The following TRDN variants were observed in gnomAD, a reference collection of about 807,000 sequenced individuals.
The protein encoded by TRDN is triadin.
Under a neutral mutation model 149.7 loss-of-function variants are expected in TRDN, and 161 were observed. The ratio of observed to expected loss-of-function variants is 1.08; its 90% CI spans 0.95 to 1.23. The LOEUF (loss-of-function observed/expected upper bound fraction) is 1.23. Among genes scored for constraint, TRDN ranks in the 50% most tolerant of loss-of-function variants. The pLI, the probability that TRDN is intolerant of heterozygous loss-of-function variation, is 0.00. For missense variants in TRDN, 896 were observed against 823.5 expected (o/e 1.09, Z -1.08); for synonymous variants, 294 against 250.5 (o/e 1.17, Z -1.64).
intron 8 of TRDN, among the ~76,000 whole-genome samples, chr6:123,499,740 A>G (rs923550691): frequency 4.0e-5 from 5 of 123,556 alleles, no homozygotes; most frequent in Non-Finnish European, 8.6e-5. Context: ...ATATATATAT[A>G]TATAGTTACA....
At chr6:123,418,051 G>A (rs917698459) in intron 12 of TRDN, among the ~76,000 whole-genome samples, 5 of 151,990 alleles carry the variant, frequency 3.3e-5, no homozygotes, top group African/African-American at 1.2e-4. Flanking sequence ...ATCCAGGACT[G>A]GGTAAGTATA....
At chr6:123,337,704 G>A in intron 21 of TRDN, 35 bp from the exon 22 acceptor site, 4 of 1,316,946 alleles carry the variant, frequency 3.0e-6, no homozygotes, top group East Asian at 2.8e-5. Context: ...AAAGTTACAA[G>A]GAATAAGAGA....
chr6:123,495,500 C>T (rs984748811), intron 9 of TRDN, among the ~76,000 whole-genome samples: 8 of 149,552 alleles, frequency 5.3e-5, no homozygotes, highest in African/African-American at 9.9e-5. Flanking sequence ...GCCTGAGTGA[C>T]GAGAGTGAGG....
At chr6:123,391,176 T>C (rs916945220) in intron 13 of TRDN, among the ~76,000 whole-genome samples, 14 of 152,226 alleles carry the variant, frequency 9.2e-5, no homozygotes, top group African/African-American at 3.4e-4. Flanking sequence ...CCCATCTAAA[T>C]TCTAATTGGC....
chr6:123,547,496 C>T (rs1341038774), intron 3 of TRDN, 124 bp from the exon 4 acceptor site: 2 of 513,846 alleles, frequency 3.9e-6, no homozygotes, highest in Non-Finnish European at 6.4e-6. Flanking sequence ...ATAGTCTTTA[C>T]ATTACTTTGC....
At chr6:123,516,339 T>C (rs570010954) in intron 5 of TRDN, 133 bp from the exon 6 acceptor site, 2 of 1,123,638 alleles carry the variant, frequency 1.8e-6, no homozygotes, top group South Asian at 2.2e-5. Flanking sequence ...TCAGATTTTA[T>C]GTAGTTAGAG....
At chr6:123,337,555 T>C (rs1779918708) in intron 22 of TRDN, 64 bp downstream of exon 22, 7 of 780,162 alleles carry the variant, frequency 9.0e-6, no homozygotes, top group Non-Finnish European at 1.3e-5. Context: ...GCTAATGTAC[T>C]GTGTTCTCAA....
intron 2 of TRDN, among the ~76,000 whole-genome samples, chr6:123,551,023 G>A (rs965740573): frequency 1.3e-5 from 2 of 151,448 alleles, no homozygotes; most frequent in Non-Finnish European, 2.9e-5. Flanking sequence ...TTTAGCAGTG[G>A]TATATTTTAT....
At chr6:123,577,239 C>T (rs903871369) in intron 1 of TRDN, among the ~76,000 whole-genome samples, 3 of 151,942 alleles carry the variant, frequency 2.0e-5, no homozygotes, top group Non-Finnish European at 2.9e-5. Context: ...TATTTCATCA[C>T]CCCAGTACTA....
chr6:123,599,670 A>G (rs979732524), intron 1 of TRDN, among the ~76,000 whole-genome samples: 4 of 151,868 alleles, frequency 2.6e-5, no homozygotes, highest in African/African-American at 7.3e-5. Context: ...GTATTTCCCC[A>G]TTTTGATTAA....
intron 1 of TRDN, among the ~76,000 whole-genome samples, chr6:123,575,977 CA>C (rs879495128): frequency 2.0e-5 from 3 of 152,174 alleles, no homozygotes; most frequent in Admixed American, 2.0e-4. Flanking sequence ...TACATAAAAG[CA>C]TTAATTATGA....
chr6:123,607,650 G>T (rs1167359411), intron 1 of TRDN, among the ~76,000 whole-genome samples: 1 of 152,084 alleles, frequency 6.6e-6, no homozygotes, highest in African/African-American at 2.4e-5. Flanking sequence ...TCTCCATATA[G>T]AAATTATACA....
At chr6:123,630,843 G>A (rs746373068) in intron 1 of TRDN, among the ~76,000 whole-genome samples, 150 of 152,068 alleles carry the variant, frequency 9.9e-4, no homozygotes, top group Admixed American at 2.8e-3. Flanking sequence ...TTGCCAAATA[G>A]CATGATCTTG....
chr6:123,351,719 C>T, intron 21 of TRDN: 4 of 927,322 alleles, frequency 4.3e-6, no homozygotes, highest in Non-Finnish European at 1.3e-6. Context: ...CATTTAATTG[C>T]ATCTCAAATT....
At chr6:123,452,341 G>T (rs1478000072) in intron 10 of TRDN, among the ~76,000 whole-genome samples, 2 of 151,994 alleles carry the variant, frequency 1.3e-5, no homozygotes, top group African/African-American at 4.8e-5. Context: ...CTTTTACCTT[G>T]AAAAACCTAA....
intron 33 of TRDN, among the ~76,000 whole-genome samples, chr6:123,262,951 GT>G (rs780482211): frequency 2.1e-4 from 20 of 95,692 alleles, no homozygotes; most frequent in Non-Finnish European, 4.2e-4. Context: ...AATTAGACCA[GT>G]TAGTAACCTA....
At chr6:123,337,788 C>T (rs556293021) in intron 21 of TRDN, 119 bp from the exon 22 acceptor site, 2 of 543,632 alleles carry the variant, frequency 3.7e-6, no homozygotes, top group East Asian at 8.5e-5. Context: ...AGTTGATATT[C>T]ACAATACAAA....
chr6:123,447,522 C>G (rs1775458853), intron 10 of TRDN, among the ~76,000 whole-genome samples: 1 of 152,024 alleles, frequency 6.6e-6, no homozygotes, highest in Non-Finnish European at 1.5e-5. Context: ...CTGTGGGGCC[C>G]AGCATGAACT....
intron 29 of TRDN, 41 bp downstream of exon 29, chr6:123,272,923 T>G: frequency 1.4e-5 from 19 of 1,373,486 alleles, no homozygotes; most frequent in East Asian, 2.6e-5. Context: ...ATTAGAACAT[T>G]GAGAGGTTAT....
Sources: gnomAD v4.1 joint callset for allele counts (sites outside exome capture counted in the v4.1 genomes callset) on GRCh38, gnomAD v4.1.1 for gene constraint, MANE v1.5 for transcripts, NCBI Gene and HGNC (gene_info 2026-07-23, HGNC 2026-07-21) for gene names.